The following CHN1 variants were observed in gnomAD, a reference collection of about 807,000 sequenced individuals.
CHN1 encodes the protein chimerin 1.
Under a neutral mutation model 59.5 loss-of-function variants are expected in CHN1, and 37 were observed. The observed-to-expected ratio is 0.62, with a 90% CI of 0.48 to 0.82. CHN1 has a LOEUF of 0.82. Among genes scored for constraint, CHN1 ranks in the 40% least tolerant of loss-of-function variants. The pLI, the probability that CHN1 is intolerant of heterozygous loss-of-function variation, is 0.00. For missense variants in CHN1, 469 were observed against 571.0 expected, an observed-to-expected ratio of 0.82 and a Z score of 1.82; for synonymous variants, 206 against 200.4, an observed-to-expected ratio of 1.03 and a Z score of -0.24.
chr2:174,854,701 C>G (rs147708470), intron 6 of CHN1, among the ~76,000 whole-genome samples: 2 of 152,184 alleles, frequency 1.3e-5, no homozygotes, highest in African/African-American at 2.4e-5. Flanking sequence ...AAATGAGATA[C>G]TATGTGGGAA....
chr2:174,945,256 G>A (rs780504826), intron 2 of CHN1: 2 of 431,302 alleles, frequency 4.6e-6, no homozygotes, highest in Admixed American at 2.9e-5. Context: ...GGATATTAAA[G>A]GATGTCTATG....
At chr2:175,004,734 G>C (rs1219657529) in intron 1 of CHN1, among the ~76,000 whole-genome samples, 160 bp downstream of exon 1, 2 of 151,422 alleles carry the variant, frequency 1.3e-5, no homozygotes, top group African/African-American at 4.8e-5. Flanking sequence ...AGGCGCGAGG[G>C]AGCAAGCCGG....
At chr2:174,830,299 T>G (rs1253618521) in intron 7 of CHN1, among the ~76,000 whole-genome samples, 1 of 152,172 alleles carries the variant, frequency 6.6e-6, no homozygotes, top group African/African-American at 2.4e-5. Flanking sequence ...TACTTTGATT[T>G]ATATTATTAT....
chr2:174,829,093 C>T (rs1283201286), intron 7 of CHN1, among the ~76,000 whole-genome samples: 1 of 152,066 alleles, frequency 6.6e-6, no homozygotes, highest in East Asian at 1.9e-4. Flanking sequence ...GAATAAAGGG[C>T]AAAACGAACT....
chr2:174,855,280 A>T (rs1257985372), intron 6 of CHN1, among the ~76,000 whole-genome samples: 2 of 152,188 alleles, frequency 1.3e-5, no homozygotes, highest in Non-Finnish European at 2.9e-5. Flanking sequence ...AGCTAAGTCA[A>T]CAATCCATCC....
intron 6 of CHN1, among the ~76,000 whole-genome samples, chr2:174,851,829 T>C (rs1168242029): frequency 6.6e-6 from 1 of 152,202 alleles, no homozygotes; most frequent in Admixed American, 6.5e-5. Context: ...ATTGACAATA[T>C]GATTCTATAC....
chr2:174,983,653 C>A (rs772842666), intron 1 of CHN1, among the ~76,000 whole-genome samples: 1 of 152,014 alleles, frequency 6.6e-6, no homozygotes, highest in Non-Finnish European at 1.5e-5. Context: ...TATGGTGAAA[C>A]CCCGTCTCTA....
At chr2:174,812,166 C>CT in intron 9 of CHN1, 143 bp downstream of exon 9, 1 of 566,826 alleles carries the variant, frequency 1.8e-6, no homozygotes, top group Non-Finnish European at 2.9e-6. Flanking sequence ...TCATTTCAGT[C>CT]TTTGAGATCA....
chr2:174,836,875 C>T (rs922360642), intron 7 of CHN1, among the ~76,000 whole-genome samples: 1 of 152,138 alleles, frequency 6.6e-6, no homozygotes, highest in Non-Finnish European at 1.5e-5. Flanking sequence ...TTGAGGCTGA[C>T]TAGAATCTGG....
chr2:175,005,306 G>A lies in CHN1; in HGVS notation c.-394C>T. ...CGACGGGGAGAGCAGCAGCAGCCTCGCACAGCCCCCGGCGGGGCGCGCTCA... is the reference window on the plus strand; with the variant it reads ...CGACGGGGAGAGCAGCAGCAGCCTCACACAGCCCCCGGCGGGGCGCGCTCA... On this transcript the variant is annotated 5_prime_UTR_variant, in exon 1 of 13. An upstream open reading frame in the 5' UTR gains an earlier in-frame stop. Transcript: ENST00000409900. The A allele has an allele frequency of 8.4e-7, 1 of 1,193,432 alleles. No individual in the cohort carries two copies. The highest frequency in any genetic ancestry group is 1.1e-6 in the Non-Finnish European group (1 of 945,424). 73.9% of individuals were successfully genotyped at this position (1,193,432 alleles called of 1,614,324 possible). A position where few individuals can be genotyped will look rare whatever the true frequency, so the allele number is the denominator to read the frequency against.
intron 6 of CHN1, among the ~76,000 whole-genome samples, chr2:174,857,090 T>C (rs552540507): frequency 8.5e-5 from 13 of 152,186 alleles, no homozygotes; most frequent in Non-Finnish European, 1.3e-4. Context: ...GTGACCAACA[T>C]GCTCTTTTTG....
rs150064195 is a variant in CHN1 at position 174,890,474 on chromosome 2, T to C, written c.261-12346A>G. On this transcript the variant is annotated intron_variant, in intron 5 of 12. Coordinates refer to ENST00000409900, the MANE Select transcript of CHN1 (RefSeq NM_001822.7). ...TCAAGAGGCTGAGGCAGAAGCATCA[T>C]TTAAGCCCAGAAGTTCGGGACCAGC... Among the ~76,000 whole-genome samples the C allele has an allele frequency of 3.8e-3, 573 of 152,218 alleles. 4 individuals carry two copies. The highest frequency in any genetic ancestry group is 0.013 in the African/African-American group (538 of 41,530).
intron 8 of CHN1, among the ~76,000 whole-genome samples, chr2:174,815,784 G>A (rs544673246): frequency 6.6e-6 from 1 of 151,862 alleles, no homozygotes; most frequent in South Asian, 2.1e-4. Flanking sequence ...AATTCTGAAT[G>A]GTATCTTTGA....
chr2:174,924,038 A>G (rs1689093734), intron 3 of CHN1, among the ~76,000 whole-genome samples: 1 of 152,178 alleles, frequency 6.6e-6, no homozygotes, highest in African/African-American at 2.4e-5. Context: ...GGGGATCACA[A>G]TATACTACCC....
intron 5 of CHN1, among the ~76,000 whole-genome samples, chr2:174,891,759 A>T (rs1688060001): frequency 6.6e-6 from 1 of 152,108 alleles, no homozygotes; most frequent in South Asian, 2.1e-4. Context: ...AGCAAAAGGA[A>T]GGTAATAGCA....
chr2:174,944,753 T>C (rs1689775778), intron 3 of CHN1, 135 bp downstream of exon 3: 1 of 613,014 alleles, frequency 1.6e-6, no homozygotes, highest in Non-Finnish European at 2.9e-6. Context: ...GAAAAATGTA[T>C]TCAAGTTATA....
intron 9 of CHN1, 95 bp downstream of exon 9, chr2:174,812,214 G>C: frequency 1.0e-6 from 1 of 969,338 alleles, no homozygotes; most frequent in Non-Finnish European, 1.4e-6. Flanking sequence ...AATTACAGAA[G>C]ACAACCGTAT....
At chr2:174,926,275 C>T (rs1689161791) in intron 3 of CHN1, among the ~76,000 whole-genome samples, 3 of 151,412 alleles carry the variant, frequency 2.0e-5, no homozygotes, top group Admixed American at 2.0e-4. Context: ...GATCACAGCT[C>T]ATTGCAACCT....
In CHN1 at chr2:174,808,946, A is replaced by G; in HGVS notation, c.1061T>C (p.Leu354Pro). The change falls in exon 11 of 13, where the codon CTC becomes CCC. Residue 354 changes from leucine (L) to proline (P), a missense_variant. Physicochemically the swap from Leu to Pro is moderately conservative, Grantham distance 98. Around this residue, in one of 5 missense-constraint regions of CHN1, gnomAD observed 225 missense variants for 289.9 expected, o/e 0.78. Transcript: ENST00000409900. ...CTTAGGGTAGGCATCATATGTAATG[A>G]GTGGAATTGGCAAATCCCTGAAGTA... ...KLYFRDLPIP[L>P]ITYDAYPKFI... 2.5e-6 allele frequency: 4 copies of G among 1,613,752 alleles called. No homozygotes were observed. The highest frequency in any genetic ancestry group is 3.4e-6 in the Non-Finnish European group (4 of 1,179,736).
Sources: gnomAD v4.1 joint callset for allele counts (sites outside exome capture counted in the v4.1 genomes callset) on GRCh38, gnomAD v4.1.1 for gene constraint, gnomAD v4.1.1 regional missense constraint, MANE v1.5 for transcripts, NCBI Gene and HGNC (gene_info 2026-07-23, HGNC 2026-07-21) for gene names.